Variants in TBXAS1 observed in about 807,000 individuals in gnomAD.
TBXAS1 encodes thromboxane A synthase 1.
Under a neutral mutation model 60.7 loss-of-function variants are expected in TBXAS1, and 48 were observed. The observed-to-expected ratio is 0.79, with a 90% CI of 0.63 to 1.01. The LOEUF (loss-of-function observed/expected upper bound fraction) is 1.01, where lower values mean the gene tolerates loss of function less well. Among genes scored for constraint, TBXAS1 ranks in the 50% least tolerant of loss-of-function variants. The pLI is 0.00. For synonymous variants in TBXAS1, 287 were observed against 269.7 expected (o/e 1.06, Z -0.63); for missense variants, 685 against 686.3 (o/e 1.00, Z 0.02).
intron 3 of TBXAS1, among the ~76,000 whole-genome samples, chr7:139,891,401 C>G (rs1325266254): frequency 6.6e-6 from 1 of 151,932 alleles, no homozygotes; most frequent in Admixed American, 6.6e-5. Flanking sequence ...AGAGTTTGGC[C>G]GGGCTAGTTG....
intron 5 of TBXAS1, among the ~76,000 whole-genome samples, chr7:139,944,328 C>A (rs569205057): frequency 1.3e-5 from 2 of 152,198 alleles, no homozygotes; most frequent in South Asian, 4.2e-4. Context: ...TAGGGGAGTA[C>A]AAATTGGCTG....
At chr7:139,940,185 C>T (rs1808173376) in intron 5 of TBXAS1, among the ~76,000 whole-genome samples, 2 of 152,300 alleles carry the variant, frequency 1.3e-5, no homozygotes, top group Middle Eastern at 3.4e-3. Context: ...GTTTGAGGCT[C>T]TAAGCCATGG....
chr7:139,955,178 G>C (rs982304902), intron 6 of TBXAS1, among the ~76,000 whole-genome samples: 20 of 152,118 alleles, frequency 1.3e-4, no homozygotes, highest in African/African-American at 4.1e-4. Flanking sequence ...CCTGAGGCTC[G>C]AAGGTGGAAG....
chr7:139,903,316 A>G (rs1463882020), intron 3 of TBXAS1, among the ~76,000 whole-genome samples: 1 of 152,074 alleles, frequency 6.6e-6, no homozygotes, highest in African/African-American at 2.4e-5. Context: ...CCATACATAT[A>G]TACCACAGTT....
rs1554466260 is a variant in TBXAS1, at chr7:139,805,712, T to TTCTCTCTCTCTCTCTC, written c.-80+18290_-80+18305dup. On this transcript the variant is annotated intron_variant, in intron 4 of 16. Transcript: ENST00000336425. ...TTTCTTTCTTTCTTTCTTTCTTTCT[T>TTCTCTCTCTCTCTCTC]TCTCTCTCTCTCTCTCTCTTTCTTT... 4.5e-5 allele frequency among the ~76,000 whole-genome samples: 2 copies of TTCTCTCTCTCTCTCTC among 44,318 alleles called. 1 individual carries two copies. The highest frequency in any genetic ancestry group is 1.6e-4 in the African/African-American group (2 of 12,342). The allele number at this position is 44,318 out of a possible 152,430, so 29.1% of individuals were successfully genotyped here. A position where few individuals can be genotyped will look rare whatever the true frequency, so the allele number is the denominator to read the frequency against.
chr7:140,015,975 T>C, intron 11 of TBXAS1, 115 bp downstream of exon 11: 1 of 1,405,618 alleles, frequency 7.1e-7, no homozygotes. Flanking sequence ...CCCCAAATAG[T>C]CAAAAGTTAT....
At chr7:139,985,783 G>T (rs948340641) in intron 9 of TBXAS1, among the ~76,000 whole-genome samples, 22 of 152,316 alleles carry the variant, frequency 1.4e-4, no homozygotes, top group Non-Finnish European at 2.4e-4. Flanking sequence ...GTCCAGCACG[G>T]AACTGGAGCA....
rs769647611 is a variant in TBXAS1, at chr7:139,936,235, T to G, written c.378T>G (p.Phe126Leu). ...EFKSVADSVL[F>L]LRDKRWEEVR... The stretch of plus-strand genomic sequence containing the variant: ...AGTCGGTAGCCGACAGCGTTCTGTT[T>G]TTACGTGACAAAAGATGGGAAGAGG... The change falls in exon 5 of 13, where the codon TTT becomes TTG. Residue 126 changes from phenylalanine (F) to leucine (L), a missense_variant. Coordinates refer to ENST00000448866, the MANE Select transcript of TBXAS1 (RefSeq NM_001061.7). The G allele has an allele frequency of 1.2e-6, 2 of 1,614,088 alleles. No individual in the cohort carries two copies. Among genetic ancestry groups the G allele is most frequent in the African/African-American group, 2.7e-5 (2 of 74,928 alleles).
At chr7:139,906,068 A>ATT in intron 3 of TBXAS1, 1 of 380,444 alleles carries the variant, frequency 2.6e-6, no homozygotes, top group Non-Finnish European at 5.0e-6. Flanking sequence ...TTACTCTAGC[A>ATT]TCTTTTTTTT....
intron 4 of TBXAS1, among the ~76,000 whole-genome samples, chr7:139,810,390 G>C (rs964710065): frequency 6.6e-6 from 1 of 152,186 alleles, no homozygotes; most frequent in African/African-American, 2.4e-5. Flanking sequence ...GGAAATCAGA[G>C]TAGTCCACCA....
chr7:139,905,039 C>CTTTT (rs1227778942), intron 3 of TBXAS1, among the ~76,000 whole-genome samples: 86 of 86,560 alleles, frequency 9.9e-4, no homozygotes, highest in Non-Finnish European at 4.4e-4. Context: ...TTCTTTCTTT[C>CTTTT]TTTCTTTCTT....
chr7:139,939,418 A>G (rs562603292), intron 5 of TBXAS1, among the ~76,000 whole-genome samples: 146 of 149,822 alleles, frequency 9.7e-4, no homozygotes, highest in African/African-American at 3.6e-3. Flanking sequence ...GAGAGATTTC[A>G]TAGAGCCCAT....
At chr7:139,969,557 A>G (rs553044336) in intron 9 of TBXAS1, among the ~76,000 whole-genome samples, 63 of 152,194 alleles carry the variant, frequency 4.1e-4, no homozygotes, top group African/African-American at 1.5e-3. Flanking sequence ...CAGGAAAAAA[A>G]GTGAATAGCT....
At chr7:139,836,437 C>A (rs1251249177) in intron 1 of TBXAS1, among the ~76,000 whole-genome samples, 1 of 152,176 alleles carries the variant, frequency 6.6e-6, no homozygotes, top group Non-Finnish European at 1.5e-5. Context: ...CCCATCATCA[C>A]CCAAACAGCA....
chr7:139,790,492 A>G (rs888351858), intron 4 of TBXAS1, among the ~76,000 whole-genome samples: 2 of 152,250 alleles, frequency 1.3e-5, no homozygotes, highest in African/African-American at 4.8e-5. Flanking sequence ...ACTTCTGTCA[A>G]AACAACAAAA....
intron 1 of TBXAS1, among the ~76,000 whole-genome samples, chr7:139,863,202 G>A (rs60560151): frequency 0.017 from 2,565 of 152,266 alleles, 49 homozygotes; most frequent in African/African-American, 0.038. Flanking sequence ...TAATGATTGT[G>A]TAACTCTTGT....
chr7:139,780,986 A>G (rs1201110182), intron 2 of TBXAS1, among the ~76,000 whole-genome samples: 1 of 152,222 alleles, frequency 6.6e-6, no homozygotes, highest in Non-Finnish European at 1.5e-5. Context: ...TCTTAAAATG[A>G]ATATCACTTG....
At chr7:139,950,715 C>T (rs1234326370) in intron 5 of TBXAS1, among the ~76,000 whole-genome samples, 41 of 142,420 alleles carry the variant, frequency 2.9e-4, no homozygotes, top group South Asian at 7.1e-4. Flanking sequence ...CCCCCTCGCC[C>T]TCCATCTACG....
intron 3 of TBXAS1, among the ~76,000 whole-genome samples, chr7:139,892,008 G>C (rs1335422658): frequency 6.6e-6 from 1 of 152,154 alleles, no homozygotes; most frequent in Admixed American, 6.5e-5. Context: ...GAATTACACT[G>C]TGTAAGGCCA....
Sources: allele counts gnomAD v4.1 joint callset (sites outside exome capture counted in the v4.1 genomes callset), GRCh38; gene constraint gnomAD v4.1.1; transcripts MANE v1.5; gene names NCBI Gene and HGNC (gene_info 2026-07-23, HGNC 2026-07-21).